KCNG2: variants seen among roughly 807,000 people sequenced by gnomAD.
The protein encoded by KCNG2 is voltage-gated potassium channel regulatory subunit KCNG2.
Under a neutral mutation model 12.3 loss-of-function variants are expected in KCNG2, and 7 were observed. That is an observed-to-expected ratio of 0.57 (90% CI 0.32 to 1.07). KCNG2 has a LOEUF of 1.07. Ranked by LOEUF, KCNG2 falls within the 50% of genes least tolerant of loss-of-function variation. KCNG2 has a pLI of 0.04. For missense variants in KCNG2, 703 were observed against 726.0 expected, an observed-to-expected ratio of 0.97 and a Z score of 0.36; for synonymous variants, 414 against 351.4, an observed-to-expected ratio of 1.18 and a Z score of -1.99.
chr18:79,872,916 G>A (rs978340433), intron 3 of KCNG2, among the ~76,000 whole-genome samples: 1 of 152,244 alleles, frequency 6.6e-6, no homozygotes, highest in African/African-American at 2.4e-5. Flanking sequence ...CCCCCTGTGT[G>A]GCGGCCGTGG....
At position 79,820,256 on chromosome 18, in the gene KCNG2, C is replaced by T. The variant is rs77538982; in HGVS notation, c.-115+22242C>T. 9.5e-3 allele frequency among the ~76,000 whole-genome samples: 1,443 copies of T among 152,342 alleles called. 12 individuals are homozygous for T. Among genetic ancestry groups the T allele is most frequent in the Admixed American group, 0.016 (242 of 15,306 alleles). The stretch of plus-strand genomic sequence containing the variant: ...CACCTTTTGGCTAATGGGGCTGATG[C>T]GGCTCTGAATGTCAGCACATGTATC... On this transcript the variant is annotated intron_variant, in intron 1 of 3. Transcript: ENST00000316249.
In KCNG2 at chr18:79,885,824, C is replaced by T. The variant is rs990473179; in HGVS notation, c.625-13216C>T. ...GGATGGGAACATAGGGACGTGGGGA[C>T]GGGGACATGGGGACACGGGACAGGG... On this transcript the variant is annotated intron_variant, in intron 3 of 3. Transcript: ENST00000316249. Among the ~76,000 whole-genome samples the T allele has an allele frequency of 3.6e-4, 51 of 142,282 alleles. No homozygotes were observed. The East Asian group carries it at 9.9e-3, about 28-fold the overall frequency. 93.3% of individuals were successfully genotyped at this position (142,282 alleles called of 152,430 possible).
rs185131522 is a variant in KCNG2 at position 79,898,535 on chromosome 18, A to G, written c.625-505A>G. ...TGAGATGCTGATGTCAGCCCTTTCT[A>G]GGGAAGAAGCCCTCCTGACTGGGAG... On this transcript the variant is annotated intron_variant, in intron 3 of 3. Coordinates refer to ENST00000316249, the MANE Select transcript of KCNG2 (RefSeq NM_012283.2). 3.1e-3 allele frequency among the ~76,000 whole-genome samples: 470 copies of G among 152,292 alleles called. 4 individuals carry two copies. The highest frequency in any genetic ancestry group is 0.011 in the African/African-American group (456 of 41,562).
At chr18:79,833,035 T>A (rs201113504) in intron 1 of KCNG2, among the ~76,000 whole-genome samples, 1 of 75,800 alleles carries the variant, frequency 1.3e-5, no homozygotes, top group Non-Finnish European at 3.5e-5. Flanking sequence ...ATTTTATAAC[T>A]TTTTTTGAAA....
intron 1 of KCNG2, among the ~76,000 whole-genome samples, chr18:79,850,848 C>G (rs574162057): frequency 6.6e-6 from 1 of 152,164 alleles, no homozygotes; most frequent in Admixed American, 6.5e-5. Flanking sequence ...CTCAAACGCA[C>G]GTTGCTTTTG....
chr18:79,849,436 T>C (rs1239182791), intron 1 of KCNG2, among the ~76,000 whole-genome samples: 1 of 152,162 alleles, frequency 6.6e-6, no homozygotes, highest in Non-Finnish European at 1.5e-5. Flanking sequence ...TCCTCTGCCC[T>C]GTGCTGGGGC....
Position 79,899,694 on chromosome 18 carries a change from C to G in KCNG2, c.1279C>G (p.Pro427Ala), listed in dbSNP as rs758043184. 6.2e-7 allele frequency: 1 copy of G among 1,607,500 alleles called. No homozygotes were observed. The highest frequency in any genetic ancestry group is 8.5e-7 in the Non-Finnish European group (1 of 1,178,108). Residue 427 changes from proline to alanine, a missense_variant, in exon 4 of 4, where the codon CCG becomes GCG. By Grantham distance (27) the Pro-to-Ala change is conservative (BLOSUM62 -1). Transcript: ENST00000316249. ...EQQQRAASPEPALQEDSTHSA... is the reference protein window; with the variant it reads ...EQQQRAASPEAALQEDSTHSA... Reference sequence around the variant, plus strand: ...GCAGCAGCGCGCGGCCAGCCCCGAGCCGGCCCTGCAGGAGGACAGCACGCA... The same window carrying G: ...GCAGCAGCGCGCGGCCAGCCCCGAGGCGGCCCTGCAGGAGGACAGCACGCA...
rs1280323581 is a variant in KCNG2, at chr18:79,864,160, G to A, written c.493G>A (p.Asp165Asn). 1 of 1,474,050 alleles carries A rather than the reference G, an allele frequency of 6.8e-7. No homozygotes were observed. Among genetic ancestry groups the A allele is most frequent in the Non-Finnish European group, 9.0e-7 (1 of 1,116,410 alleles). 91.3% of individuals were successfully genotyped at this position (1,474,050 alleles called of 1,614,324 possible). Residue 165 changes from aspartate to asparagine, a missense_variant, in exon 3 of 4, where the codon GAC (aspartate) becomes AAC (asparagine). By Grantham distance (23) the Asp-to-Asn change is conservative. Coordinates refer to ENST00000316249, the MANE Select transcript of KCNG2 (RefSeq NM_012283.2). ...GCAGCGCGGCCGGCGGCGCCTGCGCGACGTGGTGGACAACCCGCACTCGGG... is the reference window on the plus strand; with the variant it reads ...GCAGCGCGGCCGGCGGCGCCTGCGCAACGTGGTGGACAACCCGCACTCGGG... ...RLQRGRRRLR[D>N]VVDNPHSGLA... is the part of the protein sequence containing the mutation.
At chr18:79,826,016 G>C (rs1377509212) in intron 1 of KCNG2, among the ~76,000 whole-genome samples, 1 of 152,214 alleles carries the variant, frequency 6.6e-6, no homozygotes, top group African/African-American at 2.4e-5. Flanking sequence ...AGAGACGTGG[G>C]CCTGGGTGGA....
intron 1 of KCNG2, among the ~76,000 whole-genome samples, chr18:79,826,103 G>A (rs1978285496): frequency 1.3e-5 from 2 of 152,264 alleles, no homozygotes; most frequent in South Asian, 2.1e-4. Flanking sequence ...GGAAGCGGGC[G>A]CTGACACACT....
intron 3 of KCNG2, 131 bp from the exon 4 acceptor site, chr18:79,898,909 C>A (rs1337247702): frequency 2.0e-5 from 13 of 640,210 alleles, no homozygotes; most frequent in Non-Finnish European, 3.3e-5. Flanking sequence ...ATATCCCCTG[C>A]ACCCGCTTCC....
At chr18:79,842,188 A>T (rs575112160) in intron 1 of KCNG2, among the ~76,000 whole-genome samples, 5 of 152,282 alleles carry the variant, frequency 3.3e-5, no homozygotes, top group Middle Eastern at 3.4e-3. Context: ...TTGCAGACCC[A>T]GATACCGCCT....
intron 3 of KCNG2, among the ~76,000 whole-genome samples, chr18:79,872,510 C>T (rs976905777): frequency 6.6e-6 from 1 of 152,142 alleles, no homozygotes; most frequent in Non-Finnish European, 1.5e-5. Context: ...GCCTTGAACT[C>T]CTGACCTCAG....
In KCNG2 at chr18:79,864,210, C is replaced by T. The variant is rs1313399013; in HGVS notation, c.543C>T (p.Cys181=). 1.9e-6 allele frequency: 3 copies of T among 1,545,160 alleles called. No individual in the cohort carries two copies. The highest frequency in any genetic ancestry group is 2.1e-4 in the Middle Eastern group (1 of 4,876). The change falls in exon 3 of 4, where the codon TGC becomes TGT. Residue 181 remains cysteine (C), a synonymous_variant. Coordinates refer to ENST00000316249, the MANE Select transcript of KCNG2 (RefSeq NM_012283.2). ...GGCTGGCGGGCAAGCTCTTCGCCTGCGTGTCCGTGTCCTTCGTGGCCGTCA... is the reference window on the plus strand; with the variant it reads ...GGCTGGCGGGCAAGCTCTTCGCCTGTGTGTCCGTGTCCTTCGTGGCCGTCA... ...HSGLAGKLFA[C]VSVSFVAVTA...
At chr18:79,824,327 T>C (rs971470932) in intron 1 of KCNG2, among the ~76,000 whole-genome samples, 1 of 152,250 alleles carries the variant, frequency 6.6e-6, no homozygotes, top group African/African-American at 2.4e-5. Flanking sequence ...GATTGTGTTC[T>C]TTGTTGTTTG....
At chr18:79,813,747 G>C (rs949939239) in intron 1 of KCNG2, among the ~76,000 whole-genome samples, 6 of 152,176 alleles carry the variant, frequency 3.9e-5, no homozygotes, top group African/African-American at 1.2e-4. Flanking sequence ...AAGTAAACTT[G>C]ATAAATTGGA....
intron 1 of KCNG2, among the ~76,000 whole-genome samples, chr18:79,806,010 A>G (rs1343514451): frequency 1.3e-5 from 2 of 152,018 alleles, no homozygotes; most frequent in Admixed American, 1.3e-4. Flanking sequence ...ATCTGTTCAC[A>G]CAGAGCTTTG....
intron 3 of KCNG2, among the ~76,000 whole-genome samples, chr18:79,885,731 G>A (rs1293273030): frequency 6.6e-6 from 1 of 152,206 alleles, no homozygotes; most frequent in Non-Finnish European, 1.5e-5. Context: ...GGGACACACC[G>A]GGGACACGAG....
At chr18:79,807,761 T>G (rs143283559) in intron 1 of KCNG2, among the ~76,000 whole-genome samples, 34,662 of 127,286 alleles carry the variant, frequency 0.27, 3,502 homozygotes, top group South Asian at 0.36. Context: ...CCCAGAGTCC[T>G]CGCCCTGAGG....
Sources: gnomAD v4.1 joint callset for allele counts (sites outside exome capture counted in the v4.1 genomes callset) on GRCh38, gnomAD v4.1.1 for gene constraint, MANE v1.5 for transcripts, NCBI Gene and HGNC (gene_info 2026-07-23, HGNC 2026-07-21) for gene names.